VPS37A: variants seen among roughly 807,000 people sequenced by gnomAD.
The protein encoded by VPS37A is vacuolar protein sorting-associated protein 37A.
In VPS37A, 30 loss-of-function variants were observed where a neutral mutation model predicts 49.8. The ratio of observed to expected loss-of-function variants is 0.60; its 90% CI spans 0.45 to 0.82. The LOEUF (loss-of-function observed/expected upper bound fraction) is 0.82. Among genes scored for constraint, VPS37A ranks in the 40% least tolerant of loss-of-function variants. The probability of loss-of-function intolerance (pLI) is 0.00; values close to 1 mark genes in which losing one functional copy is unlikely to be tolerated. For synonymous variants in VPS37A, 195 were observed against 160.6 expected (o/e 1.21, Z -1.62); for missense variants, 593 against 464.4 (o/e 1.28, Z -2.55).
chr8:17,283,896 A>AGTCT (rs764806870), intron 9 of VPS37A, among the ~76,000 whole-genome samples: 93 of 152,216 alleles, frequency 6.1e-4, no homozygotes, highest in Non-Finnish European at 1.1e-3. Flanking sequence ...GATTGCATTG[A>AGTCT]GTCTATAGGT....
chr8:17,308,260 T>C, the VPS37A span, among the ~76,000 whole-genome samples: 1 of 152,136 alleles, frequency 6.6e-6, no homozygotes, highest in Non-Finnish European at 1.5e-5. Context: ...CCATATTCTT[T>C]CTGTCATCTG....
chr8:17,298,670 T>C (rs1816901027), downstream of VPS37A: 1 of 152,582 alleles, frequency 6.6e-6, no homozygotes, highest in Non-Finnish European at 1.5e-5. Context: ...TGTACTAATA[T>C]ATTAAAACCA....
At chr8:17,331,521 A>G in the VPS37A span, among the ~76,000 whole-genome samples, 21,833 of 152,214 alleles carry the variant, frequency 0.14, 2,044 homozygotes, top group African/African-American at 0.26. Flanking sequence ...GCTGGAAAGC[A>G]GTCTACTGAT....
the VPS37A span, among the ~76,000 whole-genome samples, chr8:17,309,488 CAT>C: frequency 6.6e-6 from 1 of 152,156 alleles, no homozygotes; most frequent in Non-Finnish European, 1.5e-5. Context: ...TAGAGATGCA[CAT>C]GGCAAAGGCA....
At chr8:17,255,549 AATT>A (rs1298790939) in intron 1 of VPS37A, among the ~76,000 whole-genome samples, 3 of 151,998 alleles carry the variant, frequency 2.0e-5, no homozygotes, top group African/African-American at 4.8e-5. Context: ...CTAAGTGATA[AATT>A]ATTGTTTATT....
At chr8:17,270,531 C>A (rs955433368) in intron 4 of VPS37A, among the ~76,000 whole-genome samples, 1 of 152,182 alleles carries the variant, frequency 6.6e-6, no homozygotes, top group Non-Finnish European at 1.5e-5. Context: ...CAAGTGGAAG[C>A]TGTATTATCT....
At chr8:17,294,363 A>G (rs1160801160) in intron 11 of VPS37A, among the ~76,000 whole-genome samples, 1 of 152,146 alleles carries the variant, frequency 6.6e-6, no homozygotes, top group Non-Finnish European at 1.5e-5. Context: ...GAAAATTTCA[A>G]GCCAGTGGAT....
rs1816572235 is a variant in VPS37A at position 17,295,752 on chromosome 8, T to C, written c.*766T>C. ...TTGGATAGGTTTTCTAAATTCCTAA[T>C]GTTAAAAACAATCTTTATGTTAATA... On this transcript the variant is annotated 3_prime_UTR_variant, in exon 12 of 12. Transcript: ENST00000324849. 1 of 152,204 alleles carries C rather than the reference T, an allele frequency of 6.6e-6. No individual in the cohort carries two copies. 9.4% of individuals were successfully genotyped at this position (152,204 alleles called of 1,614,324 possible).
intron 1 of VPS37A, among the ~76,000 whole-genome samples, chr8:17,252,299 A>G (rs1408897039): frequency 2.0e-5 from 3 of 152,130 alleles, no homozygotes; most frequent in African/African-American, 7.2e-5. Context: ...CTACAGGCAC[A>G]TGCCATCATG....
chr8:17,301,508 G>C (rs1338579466), downstream of VPS37A: 1 of 152,196 alleles, frequency 6.6e-6, no homozygotes, highest in African/African-American at 2.4e-5. Context: ...AAATAAAGCT[G>C]AAAAGAGAAA....
At chr8:17,312,574 C>CAAAAAAAA in the VPS37A span, among the ~76,000 whole-genome samples, 10 of 87,254 alleles carry the variant, frequency 1.1e-4, no homozygotes, top group African/African-American at 4.7e-4. Context: ...GACTCCCTCT[C>CAAAAAAAA]AAAAAAAAAA....
chr8:17,314,962 G>T, the VPS37A span, among the ~76,000 whole-genome samples: 1 of 152,176 alleles, frequency 6.6e-6, no homozygotes, highest in Non-Finnish European at 1.5e-5. Context: ...AAATGAGAGG[G>T]TGCTTAGTGG....
chr8:17,268,848 A>C lies in VPS37A; in HGVS notation c.316-8A>C. The C allele has an allele frequency of 1.3e-6, 2 of 1,582,212 alleles. No individual in the cohort carries two copies. The highest frequency in any genetic ancestry group is 2.3e-5 in the South Asian group (2 of 88,700). On this transcript the variant is annotated splice_region_variant and splice_polypyrimidine_tract_variant and intron_variant, in intron 3 of 11. Coordinates refer to ENST00000324849, the MANE Select transcript of VPS37A (RefSeq NM_152415.3). ...GTGATTTTAAGCGTCATGTATTGTT[A>C]CTTTCAGTTTACAATGCACTCAGAT...
At chr8:17,256,719 C>T (rs1292227258) in intron 1 of VPS37A, among the ~76,000 whole-genome samples, 2 of 151,700 alleles carry the variant, frequency 1.3e-5, no homozygotes, top group Non-Finnish European at 2.9e-5. Flanking sequence ...ATGGCACTGT[C>T]TCGGCTCACC....
At chr8:17,247,428 C>T in intron 1 of VPS37A, 59 bp downstream of exon 1, 2 of 1,517,638 alleles carry the variant, frequency 1.3e-6, no homozygotes, top group Admixed American at 4.0e-5. Context: ...CGGGCTTGTC[C>T]TAACCACCCT....
At chr8:17,314,423 T>C in the VPS37A span, among the ~76,000 whole-genome samples, 7 of 152,188 alleles carry the variant, frequency 4.6e-5, no homozygotes, top group Non-Finnish European at 1.0e-4. Context: ...TTCTTCATTT[T>C]TAAAATGGGG....
downstream of VPS37A, chr8:17,300,319 G>A (rs190962152): frequency 2.1e-5 from 27 of 1,309,244 alleles, no homozygotes; most frequent in South Asian, 2.6e-4. Context: ...TCCCACGTGG[G>A]TATAATGTTA....
the VPS37A span, among the ~76,000 whole-genome samples, chr8:17,325,226 C>T: frequency 6.6e-6 from 1 of 152,060 alleles, no homozygotes; most frequent in Non-Finnish European, 1.5e-5. Context: ...GCCTCCAAGG[C>T]ACCTTGGCAG....
At chr8:17,253,779 G>C (rs1316535952) in intron 1 of VPS37A, among the ~76,000 whole-genome samples, 1 of 152,100 alleles carries the variant, frequency 6.6e-6, no homozygotes, top group Non-Finnish European at 1.5e-5. Flanking sequence ...TGTGAAATAA[G>C]TGCTCCATGT....
Sources: gnomAD v4.1 joint callset for allele counts (sites outside exome capture counted in the v4.1 genomes callset) on GRCh38, gnomAD v4.1.1 for gene constraint, MANE v1.5 for transcripts, NCBI Gene and HGNC (gene_info 2026-07-23, HGNC 2026-07-21) for gene names.